The following NBEAL1 variants were observed in gnomAD, a reference collection of about 807,000 sequenced individuals.
NBEAL1 encodes the protein neurobeachin like 1, also known as neurobeachin-like protein 1.
Under a neutral mutation model 351.3 loss-of-function variants are expected in NBEAL1, and 273 were observed. The ratio of observed to expected loss-of-function variants is 0.78; its 90% CI spans 0.70 to 0.86. The LOEUF (loss-of-function observed/expected upper bound fraction) is 0.86. NBEAL1 is among the 40% of genes least tolerant of loss of function. The probability of loss-of-function intolerance (pLI) is 0.00; values close to 1 mark genes in which losing one functional copy is unlikely to be tolerated. For synonymous variants in NBEAL1, 1,050 were observed against 1,086.4 expected (o/e 0.97, Z 0.66); for missense variants, 2,961 against 3,201.3 (o/e 0.92, Z 1.81).
chr2:203,196,788 A>G (rs1439893892), intron 47 of NBEAL1, among the ~76,000 whole-genome samples: 1 of 152,228 alleles, frequency 6.6e-6, no homozygotes, highest in Non-Finnish European at 1.5e-5. Flanking sequence ...TCACATTGTT[A>G]TAAGATAATG....
At chr2:203,068,342 G>C in intron 6 of NBEAL1, 51 bp from the exon 7 acceptor site, 1 of 812,102 alleles carries the variant, frequency 1.2e-6, no homozygotes, top group Non-Finnish European at 1.9e-6. Context: ...TAATTGTGCC[G>C]TGTCTGCTTG....
chr2:203,040,034 C>G, intron 2 of NBEAL1: 1 of 609,454 alleles, frequency 1.6e-6, no homozygotes. Context: ...AAAAATAGGC[C>G]TCATTGAGAA....
chr2:203,108,396 G>GT (rs35488570), intron 14 of NBEAL1, among the ~76,000 whole-genome samples: 7 of 145,786 alleles, frequency 4.8e-5, no homozygotes, highest in East Asian at 2.0e-4. Flanking sequence ...TGCTGGTTAA[G>GT]TTTTTTTTTT....
intron 35 of NBEAL1, among the ~76,000 whole-genome samples, chr2:203,152,806 G>A (rs1402701583): frequency 6.6e-6 from 1 of 151,372 alleles, no homozygotes; most frequent in Non-Finnish European, 1.5e-5. Flanking sequence ...GGAGGCCGCG[G>A]CAGCAGATCA....
intron 2 of NBEAL1, among the ~76,000 whole-genome samples, chr2:203,031,291 A>G (rs556320898): frequency 6.6e-6 from 1 of 152,216 alleles, no homozygotes; most frequent in Non-Finnish European, 1.5e-5. Context: ...TAAAGCACTA[A>G]GCTTTTCGTC....
chr2:203,138,835 G>T, intron 31 of NBEAL1, 87 bp downstream of exon 31: 1 of 1,320,380 alleles, frequency 7.6e-7, no homozygotes, highest in South Asian at 1.8e-5. Flanking sequence ...TGTCTTTTTG[G>T]TATTTTAAGT....
intron 27 of NBEAL1, among the ~76,000 whole-genome samples, chr2:203,133,679 A>G (rs1434332570): frequency 1.3e-5 from 2 of 149,802 alleles, no homozygotes; most frequent in African/African-American, 2.5e-5. Context: ...TTTTTATTTT[A>G]CCTCATGATT....
chr2:203,173,506 G>A (rs866900952), intron 41 of NBEAL1, among the ~76,000 whole-genome samples: 2 of 151,972 alleles, frequency 1.3e-5, no homozygotes, highest in South Asian at 4.1e-4. Flanking sequence ...CATTAACTTA[G>A]TTATAGATTG....
chr2:203,129,981 A>G (rs972931912), intron 24 of NBEAL1, among the ~76,000 whole-genome samples: 1 of 152,132 alleles, frequency 6.6e-6, no homozygotes, highest in African/African-American at 2.4e-5. Flanking sequence ...GGGCGGCATG[A>G]CGAAACCCCA....
intron 3 of NBEAL1, among the ~76,000 whole-genome samples, chr2:203,044,435 T>C (rs1041789046): frequency 6.6e-6 from 1 of 152,220 alleles, no homozygotes; most frequent in Non-Finnish European, 1.5e-5. Flanking sequence ...CTTTAAATGT[T>C]TGGAATATTA....
At position 203,016,421 on chromosome 2, in the gene NBEAL1, C is replaced by T; in HGVS notation, c.37C>T (p.Leu13Phe). The change falls in exon 2 of 56, where the codon CTT becomes TTT. Residue 13 changes from leucine to phenylalanine, a missense_variant. Leu to Phe is a conservative substitution (Grantham distance 22, BLOSUM62 0). Transcript: ENST00000683969. Reference sequence around the variant, plus strand: ...AGAGAGGCTCTTTGAACTTTGGATGCTTTATTGTACAAAGGTAATTGCTTT... The same window carrying T: ...AGAGAGGCTCTTTGAACTTTGGATGTTTTATTGTACAAAGGTAATTGCTTT... ...SRERLFELWM[L>F]YCTKKDPDYL... 1 of 1,485,562 alleles carries T rather than the reference C, an allele frequency of 6.7e-7. No individual in the cohort carries two copies. Among genetic ancestry groups the T allele is most frequent in the Non-Finnish European group, 9.1e-7 (1 of 1,101,494 alleles). The allele number at this position is 1,485,562 out of a possible 1,614,324, so 92.0% of individuals were successfully genotyped here.
At chr2:203,188,679 TC>T (rs966172993) in intron 45 of NBEAL1, 90 bp downstream of exon 45, 17 of 664,012 alleles carry the variant, frequency 2.6e-5, no homozygotes, top group African/African-American at 2.5e-4. Flanking sequence ...CTATTTAATA[TC>T]AGAAAGACTA....
chr2:203,096,188 G>A (rs535563943), intron 10 of NBEAL1, among the ~76,000 whole-genome samples: 2 of 152,332 alleles, frequency 1.3e-5, no homozygotes, highest in South Asian at 4.1e-4. Flanking sequence ...AAAGCTTGGA[G>A]AAGTAGTTTT....
Position 203,130,477 on chromosome 2 carries a change from G to A in NBEAL1, c.3564+1G>A. 7.1e-7 allele frequency: 1 copy of A among 1,409,066 alleles called. No individual in the cohort carries two copies. Among genetic ancestry groups the A allele is most frequent in the Non-Finnish European group, 9.2e-7 (1 of 1,082,624 alleles). 87.3% of individuals were successfully genotyped at this position (1,409,066 alleles called of 1,614,324 possible). A position where few individuals can be genotyped will look rare whatever the true frequency, so the allele number is the denominator to read the frequency against. On this transcript the variant is annotated splice_donor_variant, in intron 25 of 55. Coordinates refer to ENST00000683969, the MANE Select transcript of NBEAL1 (RefSeq NM_001378026.1). LOFTEE classifies it high-confidence loss of function. Reference sequence around the variant, plus strand: ...CAGACTAAGAGAAATCATTTTTAAGGTACAAACATTTCTTAAACATCTTTG... The same window carrying A: ...CAGACTAAGAGAAATCATTTTTAAGATACAAACATTTCTTAAACATCTTTG...
At chr2:203,115,076 A>T (rs139615921) in intron 17 of NBEAL1, among the ~76,000 whole-genome samples, 75 of 150,916 alleles carry the variant, frequency 5.0e-4, no homozygotes, top group African/African-American at 1.7e-3. Flanking sequence ...TAATGGTTGC[A>T]TATTTCCTTG....
chr2:203,213,270 TTTGA>T (rs1308053557), intron 54 of NBEAL1, among the ~76,000 whole-genome samples: 3 of 152,184 alleles, frequency 2.0e-5, no homozygotes, highest in Non-Finnish European at 4.4e-5. Flanking sequence ...TAATATTTTG[TTTGA>T]TTATATATGG....
At chr2:203,185,587 G>T (rs946461067) in intron 44 of NBEAL1, among the ~76,000 whole-genome samples, 5 of 152,166 alleles carry the variant, frequency 3.3e-5, no homozygotes, top group African/African-American at 1.2e-4. Context: ...GGGTTGGCTG[G>T]CCTCAACTGA....
intron 15 of NBEAL1, among the ~76,000 whole-genome samples, chr2:203,111,755 G>A (rs1054629345): frequency 1.3e-5 from 2 of 152,164 alleles, no homozygotes; most frequent in Admixed American, 1.3e-4. Context: ...CTTTGGAAAT[G>A]CAGAAAAGGT....
chr2:203,169,388 T>TAAAAAAAAA (rs1208449990), intron 38 of NBEAL1, among the ~76,000 whole-genome samples: 1 of 89,624 alleles, frequency 1.1e-5, no homozygotes, highest in African/African-American at 4.4e-5. Context: ...TTGAATATAG[T>TAAAAAAAAA]AAAAAAAAAA....
Sources: gnomAD v4.1 joint callset for allele counts (sites outside exome capture counted in the v4.1 genomes callset) on GRCh38, gnomAD v4.1.1 for gene constraint, MANE v1.5 for transcripts, NCBI Gene and HGNC (gene_info 2026-07-23, HGNC 2026-07-21) for gene names.